The following ADAMTSL1 variants were observed in gnomAD, a reference collection of about 807,000 sequenced individuals.
ADAMTSL1 encodes ADAMTS like 1, also known as ADAMTS-like protein 1.
ADAMTSL1 carries 126 observed loss-of-function variants against 201.8 expected under a neutral mutation model. The observed-to-expected ratio is 0.62, with a 90% CI of 0.54 to 0.72. The LOEUF (loss-of-function observed/expected upper bound fraction) is 0.72. Ranked by LOEUF, ADAMTSL1 falls within the 30% of genes least tolerant of loss-of-function variation. ADAMTSL1 has a pLI of 0.00. For missense variants in ADAMTSL1, 2,679 were observed against 2,277.8 expected (o/e 1.18, Z -3.59); for synonymous variants, 1,121 against 903.4 (o/e 1.24, Z -4.32).
chr9:17,910,169 C>A lies in ADAMTSL1; in HGVS notation c.87+3247C>A, dbSNP rs1316407717. Among the ~76,000 whole-genome samples the A allele has an allele frequency of 3.0e-5, 2 of 67,330 alleles. 1 individual carries two copies. The highest frequency in any genetic ancestry group is 9.1e-5 in the Non-Finnish European group (2 of 22,060). The allele number at this position is 67,330 out of a possible 152,430, so 44.2% of individuals were successfully genotyped here. On this transcript the variant is annotated intron_variant, in intron 1 of 29. Transcript: ENST00000680146. ...TCATCTGTTAAGTGAGGGTGTTGGC[C>A]CCTTTTTTCACAGGTCCTACCAGCT...
At chr9:18,215,569 C>T (rs1371352853) in intron 2 of ADAMTSL1, among the ~76,000 whole-genome samples, 1 of 152,030 alleles carries the variant, frequency 6.6e-6, no homozygotes, top group Non-Finnish European at 1.5e-5. Flanking sequence ...AAAAAAAATC[C>T]CATAGCTGCA....
rs143571374 is a variant in ADAMTSL1, at chr9:18,308,667, C to T, written c.207+144686C>T. 3.1e-3 allele frequency among the ~76,000 whole-genome samples: 471 copies of T among 152,258 alleles called. 11 individuals carry two copies. Among genetic ancestry groups the T allele is most frequent in the Admixed American group, 0.022 (332 of 15,298 alleles). ...GTCGAATCCCTGAATAGACCAATAT[C>T]AAGTTCTGCAATTGAGGCAGTAATT... On this transcript the variant is annotated intron_variant, in intron 2 of 29. Coordinates refer to the ADAMTSL1 transcript ENST00000680146.
chr9:18,755,432 C>T (rs1028621494), intron 16 of ADAMTSL1, among the ~76,000 whole-genome samples: 1 of 152,182 alleles, frequency 6.6e-6, no homozygotes, highest in Non-Finnish European at 1.5e-5. Context: ...ATGAAGAATG[C>T]TCCTTATAGG....
At chr9:18,859,841 T>TTTTA (rs1827098276) in intron 23 of ADAMTSL1, among the ~76,000 whole-genome samples, 1 of 152,228 alleles carries the variant, frequency 6.6e-6, no homozygotes, top group African/African-American at 2.4e-5. Flanking sequence ...CTGATTTTTT[T>TTTTA]TTTATTTCAA....
At chr9:18,399,878 C>T (rs1401625277) in intron 2 of ADAMTSL1, among the ~76,000 whole-genome samples, 1 of 152,052 alleles carries the variant, frequency 6.6e-6, no homozygotes, top group Non-Finnish European at 1.5e-5. Flanking sequence ...TTCTTATAAT[C>T]AACTCCCTTA....
At chr9:18,204,079 A>G (rs562572141) in intron 2 of ADAMTSL1, among the ~76,000 whole-genome samples, 1 of 152,288 alleles carries the variant, frequency 6.6e-6, no homozygotes, top group African/African-American at 2.4e-5. Context: ...TCATAAAACT[A>G]ATGATACTAT....
rs1823065430 is a variant in ADAMTSL1, at chr9:18,073,692, A to G, written c.88-90170A>G. Among the ~76,000 whole-genome samples, 3 of 152,196 alleles carry G rather than the reference A, an allele frequency of 2.0e-5. 1 individual carries two copies. The highest frequency in any genetic ancestry group is 2.0e-4 in the Admixed American group (3 of 15,280). ...TGCATGCATTTTTTATAACCTTGGA[A>G]CTGTTTTAAGATAGAAGACAACATG... On this transcript the variant is annotated intron_variant, in intron 1 of 29. Transcript: ENST00000680146.
intron 26 of ADAMTSL1, among the ~76,000 whole-genome samples, chr9:18,897,239 C>A (rs927481829): frequency 2.0e-5 from 3 of 152,080 alleles, no homozygotes; most frequent in Non-Finnish European, 4.4e-5. Flanking sequence ...ACAGAGCCCC[C>A]GGGGGAAGGG....
chr9:18,235,794 A>T (rs1002769944), intron 2 of ADAMTSL1, among the ~76,000 whole-genome samples: 1 of 152,158 alleles, frequency 6.6e-6, no homozygotes. Flanking sequence ...CTCAAGATAC[A>T]GTAGAAAGGC....
intron 2 of ADAMTSL1, among the ~76,000 whole-genome samples, chr9:18,461,923 C>A (rs10453192): frequency 0.56 from 85,388 of 151,850 alleles, 24,261 homozygotes; most frequent in African/African-American, 0.62. Flanking sequence ...ATATACTAAA[C>A]TCCGTGCATT....
chr9:17,952,253 C>G (rs1231314058), intron 1 of ADAMTSL1, among the ~76,000 whole-genome samples: 1 of 151,788 alleles, frequency 6.6e-6, no homozygotes, highest in African/African-American at 2.4e-5. Context: ...TACTTCCAGC[C>G]TCATTTTTTT....
chr9:18,724,081 TC>T (rs1405776542), intron 15 of ADAMTSL1, among the ~76,000 whole-genome samples: 1 of 152,324 alleles, frequency 6.6e-6, no homozygotes, highest in African/African-American at 2.4e-5. Context: ...TCCTTTGGGG[TC>T]TTGGTCTGTG....
chr9:18,248,330 G>A (rs76532343), intron 2 of ADAMTSL1, among the ~76,000 whole-genome samples: 2 of 152,122 alleles, frequency 1.3e-5, no homozygotes, highest in East Asian at 3.8e-4. Flanking sequence ...GCTGGACTGT[G>A]GATTACGCGG....
In ADAMTSL1 at chr9:18,674,473, C is replaced by T. The variant is rs547277966; in HGVS notation, c.1086-1384C>T. The stretch of plus-strand genomic sequence containing the variant: ...TATGCAGGCCCCTTTATCCCTCTCT[C>T]TCTCCTTCTTACCTTTCATCATCTC... On this transcript the variant is annotated intron_variant, in intron 9 of 28. Coordinates refer to ENST00000380548, the MANE Select transcript of ADAMTSL1 (RefSeq NM_001040272.6). Among the ~76,000 whole-genome samples, 13 of 152,092 alleles carry T rather than the reference C, an allele frequency of 8.5e-5. 1 individual carries two copies. The South Asian group carries it at 2.7e-3, about 32-fold the overall frequency.
At chr9:18,304,856 G>C (rs1157766009) in intron 2 of ADAMTSL1, among the ~76,000 whole-genome samples, 2 of 152,118 alleles carry the variant, frequency 1.3e-5, no homozygotes, top group Admixed American at 6.5e-5. Context: ...ATAAGAAATA[G>C]AAAAATGTTT....
intron 19 of ADAMTSL1, among the ~76,000 whole-genome samples, chr9:18,788,374 T>C (rs935967386): frequency 2.6e-5 from 4 of 150,998 alleles, no homozygotes; most frequent in African/African-American, 9.7e-5. Context: ...TGACGTTAAT[T>C]ACCCCCCCGC....
chr9:18,770,468 C>G, intron 16 of ADAMTSL1, 134 bp from the exon 17 acceptor site: 1 of 908,306 alleles, frequency 1.1e-6, no homozygotes, highest in African/African-American at 1.7e-5. Flanking sequence ...TCCTTTGGGC[C>G]GATTCCTGGT....
chr9:17,935,849 C>A (rs1038037528), intron 1 of ADAMTSL1, among the ~76,000 whole-genome samples: 1 of 152,182 alleles, frequency 6.6e-6, no homozygotes, highest in Non-Finnish European at 1.5e-5. Flanking sequence ...GTAGAGCATG[C>A]AGGTGATCCT....
chr9:18,675,972 T>G, intron 10 of ADAMTSL1, 65 bp downstream of exon 10: 3 of 1,365,120 alleles, frequency 2.2e-6, no homozygotes, highest in Non-Finnish European at 3.1e-6. Flanking sequence ...TATCTATATA[T>G]ATAGAGATAT....
Sources: allele counts gnomAD v4.1 joint callset (sites outside exome capture counted in the v4.1 genomes callset), GRCh38; gene constraint gnomAD v4.1.1; transcripts MANE v1.5; gene names NCBI Gene and HGNC (gene_info 2026-07-23, HGNC 2026-07-21).